The following FARS2 variants were observed in gnomAD, a reference collection of about 807,000 sequenced individuals.
The protein encoded by FARS2 is phenylalanine--tRNA ligase, mitochondrial.
A neutral mutation model predicts 46.4 loss-of-function variants in FARS2; 40 were observed. The observed-to-expected ratio is 0.86, with a 90% CI of 0.67 to 1.12. FARS2 has a LOEUF of 1.12. Among genes scored for constraint, FARS2 ranks in the 50% most tolerant of loss-of-function variants. FARS2 has a pLI of 0.00. For missense variants in FARS2, 513 were observed against 567.9 expected (o/e 0.90, Z 0.98); for synonymous variants, 234 against 214.9 (o/e 1.09, Z -0.78).
intron 6 of FARS2, among the ~76,000 whole-genome samples, chr6:5,690,252 G>C (rs962781772): frequency 4.6e-5 from 7 of 152,168 alleles, no homozygotes; most frequent in African/African-American, 1.7e-4. Context: ...GATGTTAGCT[G>C]GTTATTGTGC....
intron 1 of FARS2, among the ~76,000 whole-genome samples, chr6:5,315,745 T>TCTTTCTTTCTTC (rs1554162044): frequency 0.041 from 6,157 of 150,242 alleles, 174 homozygotes; most frequent in African/African-American, 0.058. Flanking sequence ...TTTTTTCCTT[T>TCTTTCTTTCTTC]CTTTCTTTCT....
At chr6:5,262,197 C>G (rs1437222926) in intron 1 of FARS2, among the ~76,000 whole-genome samples, 2 of 152,226 alleles carry the variant, frequency 1.3e-5, no homozygotes, top group Non-Finnish European at 2.9e-5. Context: ...GTTGTGTTCT[C>G]ATCTGCTTTA....
chr6:5,723,465 A>G (rs1460845844), intron 6 of FARS2, among the ~76,000 whole-genome samples: 1 of 152,044 alleles, frequency 6.6e-6, no homozygotes, highest in Non-Finnish European at 1.5e-5. Context: ...TTCTTCATCT[A>G]TGATGTGGAA....
chr6:5,652,363 G>A (rs577721581), intron 6 of FARS2, among the ~76,000 whole-genome samples: 1 of 152,252 alleles, frequency 6.6e-6, no homozygotes, highest in African/African-American at 2.4e-5. Context: ...TTGACCCTTC[G>A]AATCTGTGCA....
intron 4 of FARS2, among the ~76,000 whole-genome samples, chr6:5,448,339 TGTGA>T (rs1322091805): frequency 1.3e-5 from 2 of 152,238 alleles, no homozygotes; most frequent in Non-Finnish European, 2.9e-5. Context: ...TGAGTGTGCC[TGTGA>T]GTGTGTACAC....
intron 4 of FARS2, among the ~76,000 whole-genome samples, chr6:5,485,008 G>A (rs1220309891): frequency 2.0e-5 from 3 of 152,140 alleles, no homozygotes; most frequent in Non-Finnish European, 4.4e-5. Flanking sequence ...CCCTCCCTGG[G>A]CACTCAGTTG....
intron 4 of FARS2, among the ~76,000 whole-genome samples, chr6:5,504,523 C>A (rs1767994897): frequency 6.7e-6 from 1 of 149,692 alleles, no homozygotes; most frequent in Admixed American, 6.7e-5. Context: ...TAGGTGTTTT[C>A]AAAAATTAAA....
chr6:5,739,679 A>G (rs1003220419), intron 6 of FARS2, among the ~76,000 whole-genome samples: 4 of 152,188 alleles, frequency 2.6e-5, no homozygotes, highest in Non-Finnish European at 5.9e-5. Flanking sequence ...TTAGAAAATA[A>G]TCTTCCTTCT....
At chr6:5,500,944 GA>G (rs1222678066) in intron 4 of FARS2, among the ~76,000 whole-genome samples, 4 of 60,828 alleles carry the variant, frequency 6.6e-5, no homozygotes, top group African/African-American at 1.8e-4. Flanking sequence ...GAGAGAGAGA[GA>G]GAGAGAGAGA....
chr6:5,442,062 C>G (rs1269907334), intron 4 of FARS2, among the ~76,000 whole-genome samples: 1 of 148,612 alleles, frequency 6.7e-6, no homozygotes, highest in Admixed American at 6.6e-5. Flanking sequence ...AGCCGCCACT[C>G]CACTCCAGCC....
chr6:5,529,759 C>T (rs1490281732), intron 4 of FARS2, among the ~76,000 whole-genome samples: 4 of 152,180 alleles, frequency 2.6e-5, no homozygotes, highest in Non-Finnish European at 5.9e-5. Context: ...TGACTTGGCT[C>T]TGTTACTTGC....
chr6:5,407,662 A>G (rs1443645046), intron 3 of FARS2, among the ~76,000 whole-genome samples: 1 of 152,132 alleles, frequency 6.6e-6, no homozygotes, highest in Non-Finnish European at 1.5e-5. Context: ...AAAACTGAAT[A>G]ATGAGTATAT....
chr6:5,628,375 A>G (rs530340596), intron 6 of FARS2, among the ~76,000 whole-genome samples: 17 of 152,262 alleles, frequency 1.1e-4, no homozygotes, highest in African/African-American at 3.9e-4. Flanking sequence ...CTGTCCCTAG[A>G]CCATCCTATT....
intron 6 of FARS2, among the ~76,000 whole-genome samples, chr6:5,762,823 C>T (rs529183933): frequency 2.6e-5 from 4 of 152,128 alleles, no homozygotes; most frequent in South Asian, 2.1e-4. Context: ...ACAGAAATCC[C>T]TCTGGGAGGA....
intron 4 of FARS2, among the ~76,000 whole-genome samples, chr6:5,489,638 C>T (rs991190461): frequency 2.0e-5 from 3 of 152,118 alleles, no homozygotes; most frequent in African/African-American, 4.8e-5. Context: ...CTACGCACGA[C>T]GCCATTACTT....
intron 4 of FARS2, among the ~76,000 whole-genome samples, chr6:5,472,067 C>A (rs1418005055): frequency 6.6e-6 from 1 of 152,144 alleles, no homozygotes; most frequent in African/African-American, 2.4e-5. Flanking sequence ...GAAAACAAGG[C>A]TGTGTTATAA....
Position 5,771,579 on chromosome 6 carries a change from A to T in FARS2, c.*150A>T. On this transcript the variant is annotated 3_prime_UTR_variant, in exon 7 of 7. Transcript: ENST00000274680. ...CAGAAAATAAAAGATCGCTCTTGAA[A>T]AGCTGTTGACATAGCATTTGTCTTT... The T allele has an allele frequency of 3.6e-6, 3 of 830,434 alleles. No individual in the cohort carries two copies. The highest frequency in any genetic ancestry group is 5.4e-6 in the Non-Finnish European group (3 of 551,160). 51.4% of individuals were successfully genotyped at this position (830,434 alleles called of 1,614,324 possible). A position where few individuals can be genotyped will look rare whatever the true frequency, so the allele number is the denominator to read the frequency against.
chr6:5,664,436 G>T (rs537224748), intron 6 of FARS2, among the ~76,000 whole-genome samples: 1 of 152,104 alleles, frequency 6.6e-6, no homozygotes, highest in Non-Finnish European at 1.5e-5. Context: ...TGGATCCCTC[G>T]CCCAGAGTCT....
chr6:5,298,184 CTGGATGATG>C (rs1299479217), intron 1 of FARS2, among the ~76,000 whole-genome samples: 1 of 152,228 alleles, frequency 6.6e-6, no homozygotes, highest in African/African-American at 2.4e-5. Context: ...AGTGCTGCCC[CTGGATGATG>C]CTGGTCTGCT....
Sources: allele counts gnomAD v4.1 joint callset (sites outside exome capture counted in the v4.1 genomes callset), GRCh38; gene constraint gnomAD v4.1.1; transcripts MANE v1.5; gene names NCBI Gene and HGNC (gene_info 2026-07-23, HGNC 2026-07-21).